KHDRBS2: variants seen among roughly 807,000 people sequenced by gnomAD.
The protein encoded by KHDRBS2 is KH domain-containing, RNA-binding, signal transduction-associated protein 2.
Under a neutral mutation model 44.3 loss-of-function variants are expected in KHDRBS2, and 26 were observed. That is an observed-to-expected ratio of 0.59 (90% CI 0.43 to 0.81). The LOEUF (loss-of-function observed/expected upper bound fraction) is 0.81. Ranked by LOEUF, KHDRBS2 falls within the 40% of genes least tolerant of loss-of-function variation. KHDRBS2 has a pLI of 0.00. For synonymous variants in KHDRBS2, 194 were observed against 151.1 expected (o/e 1.28, Z -2.08); for missense variants, 476 against 433.1 (o/e 1.10, Z -0.88).
the KHDRBS2 span, among the ~76,000 whole-genome samples, chr6:61,610,514 T>C: frequency 1.3e-5 from 2 of 152,174 alleles, no homozygotes; most frequent in African/African-American, 4.8e-5. Flanking sequence ...GCTGAGGCTG[T>C]AGTCACCTAA....
intron 4 of KHDRBS2, among the ~76,000 whole-genome samples, chr6:61,915,499 T>C (rs1242827257): frequency 6.6e-6 from 1 of 152,024 alleles, no homozygotes; most frequent in Non-Finnish European, 1.5e-5. Flanking sequence ...TTTATTGTCC[T>C]ATAGTAGAAT....
Position 62,177,244 on chromosome 6 carries a change from T to A in KHDRBS2, c.160A>T (p.Ser54Cys). Residue 54 changes from serine (S) to cysteine (C), a missense_variant, in exon 2 of 9, where the codon AGC (serine) becomes TGC (cysteine). By Grantham distance (112) the Ser-to-Cys change is moderately radical. Coordinates refer to ENST00000281156, the MANE Select transcript of KHDRBS2 (RefSeq NM_152688.4). ...DEEKKYLDVI[S>C]NKNIKLSERV... ...TCTGAGAGCTTTATGTTTTTGTTGC[T>A]GATGACATCAAGATACTTCTTTTCT... The A allele has an allele frequency of 6.3e-7, 1 of 1,598,668 alleles. No individual in the cohort carries two copies.
the KHDRBS2 span, among the ~76,000 whole-genome samples, chr6:61,585,897 G>A: frequency 6.6e-6 from 1 of 152,086 alleles, no homozygotes; most frequent in African/African-American, 2.4e-5. Flanking sequence ...CTGAACCCCA[G>A]ATCTCTTATT....
intron 3 of KHDRBS2, among the ~76,000 whole-genome samples, chr6:62,012,569 T>G (rs1397185909): frequency 6.6e-6 from 1 of 152,198 alleles, no homozygotes; most frequent in Non-Finnish European, 1.5e-5. Flanking sequence ...ACTTTTCTAC[T>G]TATCCTTTAT....
intron 3 of KHDRBS2, among the ~76,000 whole-genome samples, chr6:62,032,979 G>A (rs987457370): frequency 1.3e-5 from 2 of 151,716 alleles, no homozygotes; most frequent in East Asian, 3.9e-4. Flanking sequence ...ACACAGAAAA[G>A]GAATTCAGAA....
At chr6:61,740,814 C>G (rs925615765) in intron 6 of KHDRBS2, among the ~76,000 whole-genome samples, 4 of 151,862 alleles carry the variant, frequency 2.6e-5, no homozygotes, top group Non-Finnish European at 5.9e-5. Flanking sequence ...AACCGTGATA[C>G]GATTAAGAGT....
chr6:62,108,932 T>A (rs1262524236), intron 2 of KHDRBS2, among the ~76,000 whole-genome samples: 1 of 151,840 alleles, frequency 6.6e-6, no homozygotes. Context: ...TACATCACAC[T>A]TTGGGGACTG....
chr6:61,577,860 T>C, the KHDRBS2 span, among the ~76,000 whole-genome samples: 1 of 152,202 alleles, frequency 6.6e-6, no homozygotes, highest in East Asian at 1.9e-4. Flanking sequence ...GTAAACATTT[T>C]AGTTACGGAA....
intron 1 of KHDRBS2, among the ~76,000 whole-genome samples, chr6:62,197,302 C>A (rs1825904496): frequency 1.3e-5 from 2 of 152,006 alleles, no homozygotes; most frequent in Admixed American, 1.3e-4. Context: ...AACTTGCAAA[C>A]CCAATTTTGA....
Position 61,956,220 on chromosome 6 carries a change from C to T in KHDRBS2, c.483+21846G>A, listed in dbSNP as rs568378293. Reference sequence around the variant, plus strand: ...AAAAAAACAAAAACAAAAAAACAGACACTCTTTATGTTCAAAGCATAGCAC... The same window carrying T: ...AAAAAAACAAAAACAAAAAAACAGATACTCTTTATGTTCAAAGCATAGCAC... On this transcript the variant is annotated intron_variant, in intron 4 of 8. Coordinates refer to ENST00000281156, the MANE Select transcript of KHDRBS2 (RefSeq NM_152688.4). 5.3e-5 allele frequency among the ~76,000 whole-genome samples: 8 copies of T among 152,014 alleles called. 1 individual carries two copies. The highest frequency in any genetic ancestry group is 1.7e-4 in the African/African-American group (7 of 41,452).
chr6:61,950,581 A>C (rs553622402), intron 4 of KHDRBS2, among the ~76,000 whole-genome samples: 1 of 151,876 alleles, frequency 6.6e-6, no homozygotes, highest in Non-Finnish European at 1.5e-5. Flanking sequence ...TAATTCTCTT[A>C]TCTTGATGGA....
the KHDRBS2 span, among the ~76,000 whole-genome samples, chr6:61,604,368 T>G: frequency 6.6e-6 from 1 of 152,290 alleles, no homozygotes; most frequent in African/African-American, 2.4e-5. Context: ...CCAACTTTTA[T>G]CCCTCATGGC....
the KHDRBS2 span, among the ~76,000 whole-genome samples, chr6:61,621,712 A>G: frequency 2.0e-5 from 3 of 152,232 alleles, no homozygotes; most frequent in Non-Finnish European, 4.4e-5. Context: ...TAGTGTGGGT[A>G]GGACCTCTGA....
intron 1 of KHDRBS2, among the ~76,000 whole-genome samples, chr6:62,188,258 C>T (rs1261971288): frequency 6.6e-6 from 1 of 152,046 alleles, no homozygotes; most frequent in East Asian, 1.9e-4. Context: ...GTCTCTAGAA[C>T]TTATCATCTT....
intron 6 of KHDRBS2, among the ~76,000 whole-genome samples, chr6:61,794,860 C>T (rs1192725592): frequency 2.0e-5 from 3 of 151,800 alleles, no homozygotes; most frequent in African/African-American, 4.8e-5. Context: ...ATATTCAGGC[C>T]GGGCGCAGTG....
rs562778855 is a variant in KHDRBS2 at position 62,108,582 on chromosome 6, C to A, written c.220-60588G>T. Among the ~76,000 whole-genome samples, 14 of 152,160 alleles carry A rather than the reference C, an allele frequency of 9.2e-5. No individual in the cohort carries two copies. The East Asian group carries it at 2.5e-3, about 27-fold the overall frequency. ...GAACTAGAAATACCATTTGACCCAG[C>A]CATCCCATTACTGGGTATATACCCA... On this transcript the variant is annotated intron_variant, in intron 2 of 8. Transcript: ENST00000281156.
At chr6:62,186,716 CATT>C (rs1823503115) in intron 1 of KHDRBS2, among the ~76,000 whole-genome samples, 1 of 151,974 alleles carries the variant, frequency 6.6e-6, no homozygotes. Context: ...TGTCATCTAA[CATT>C]AAGCAGTGGT....
intron 3 of KHDRBS2, among the ~76,000 whole-genome samples, chr6:62,006,966 A>C (rs1217444722): frequency 2.6e-5 from 4 of 152,032 alleles, no homozygotes; most frequent in Non-Finnish European, 5.9e-5. Context: ...AGTTAAAAAA[A>C]TTTCAGGTCA....
intron 2 of KHDRBS2, among the ~76,000 whole-genome samples, chr6:62,169,199 A>T (rs1819467960): frequency 6.8e-6 from 1 of 146,644 alleles, no homozygotes; most frequent in South Asian, 2.1e-4. Context: ...GTATACATAT[A>T]TGTATATATA....
Sources: gnomAD v4.1 joint callset for allele counts (sites outside exome capture counted in the v4.1 genomes callset) on GRCh38, gnomAD v4.1.1 for gene constraint, MANE v1.5 for transcripts, NCBI Gene and HGNC (gene_info 2026-07-23, HGNC 2026-07-21) for gene names.